The following MYCBP2 variants were observed in gnomAD, a reference collection of about 807,000 sequenced individuals.
MYCBP2 encodes E3 ubiquitin-protein ligase MYCBP2.
In MYCBP2, 120 loss-of-function variants were observed where a neutral mutation model predicts 525.3. The ratio of observed to expected loss-of-function variants is 0.23; its 90% CI spans 0.20 to 0.27. MYCBP2 has a LOEUF of 0.27. MYCBP2 is among the 10% of genes least tolerant of loss of function. The probability of loss-of-function intolerance (pLI) is 1.00; values close to 1 mark genes in which losing one functional copy is unlikely to be tolerated. For synonymous variants in MYCBP2, 1,894 were observed against 1,955.8 expected, an observed-to-expected ratio of 0.97 and a Z score of 0.83; for missense variants, 4,149 against 5,657.1, an observed-to-expected ratio of 0.73 and a Z score of 8.55.
chr13:77,215,167 T>C (rs557054215), intron 21 of MYCBP2, among the ~76,000 whole-genome samples: 7 of 152,312 alleles, frequency 4.6e-5, no homozygotes, highest in Admixed American at 2.6e-4. Flanking sequence ...AAATGTTCTA[T>C]ATATTTTAAA....
intron 57 of MYCBP2, among the ~76,000 whole-genome samples, chr13:77,095,876 T>C (rs2046165293): frequency 1.3e-5 from 2 of 152,116 alleles, no homozygotes; most frequent in Admixed American, 1.3e-4. Context: ...TTTTAAAAAG[T>C]AAATCATTTC....
chr13:77,214,783 T>C (rs1304099594), intron 21 of MYCBP2, among the ~76,000 whole-genome samples: 3 of 152,176 alleles, frequency 2.0e-5, no homozygotes, highest in African/African-American at 7.2e-5. Context: ...TACTGAATAC[T>C]GTAGGCAACT....
chr13:77,286,384 G>T (rs1284409303), intron 3 of MYCBP2, among the ~76,000 whole-genome samples: 3 of 151,942 alleles, frequency 2.0e-5, no homozygotes, highest in African/African-American at 7.3e-5. Context: ...GTCATATAAA[G>T]GCACCATTTA....
chr13:77,098,256 T>C lies in MYCBP2; in HGVS notation c.8898A>G (p.Lys2966=). The part of the protein sequence containing the change: ...EFKSVDEGSN[K]VHFSIGKAPL... ...GTGCTTTTCCAATGCTAAAATGAAC[T>C]TTATTTGAACCTTCATCCACACTCT... The change falls in exon 56 of 83, where the codon AAA becomes AAG. Residue 2966 remains lysine, a synonymous_variant. Coordinates refer to ENST00000544440, the MANE Select transcript of MYCBP2 (RefSeq NM_015057.5). 2.5e-6 allele frequency: 4 copies of C among 1,613,036 alleles called. No homozygotes were observed. Among genetic ancestry groups the C allele is most frequent in the Non-Finnish European group, 3.4e-6 (4 of 1,179,788 alleles).
At chr13:77,121,748 T>C (rs908209701) in intron 54 of MYCBP2, among the ~76,000 whole-genome samples, 1 of 152,204 alleles carries the variant, frequency 6.6e-6, no homozygotes, top group Non-Finnish European at 1.5e-5. Context: ...CAATTTACTT[T>C]TATTGTGGCA....
chr13:77,122,699 A>AAAAAAAAAAAAAC, intron 54 of MYCBP2, among the ~76,000 whole-genome samples: 1 of 151,850 alleles, frequency 6.6e-6, no homozygotes, highest in South Asian at 2.1e-4. Flanking sequence ...CAAAAAAAAA[A>AAAAAAAAAAAAAC]AAAAAAAAAA....
At position 77,326,885 on chromosome 13, in the gene MYCBP2, T is replaced by C. The variant is rs1276953174; in HGVS notation, c.-110A>G. 2 of 1,036,654 alleles carry C rather than the reference T, an allele frequency of 1.9e-6. No homozygotes were observed. The highest frequency in any genetic ancestry group is 2.5e-5 in the South Asian group (1 of 40,008). 64.2% of individuals were successfully genotyped at this position (1,036,654 alleles called of 1,614,324 possible). On this transcript the variant is annotated 5_prime_UTR_variant, in exon 1 of 83. Coordinates refer to ENST00000544440, the MANE Select transcript of MYCBP2 (RefSeq NM_015057.5). The surrounding 1 kb of genome is among the most constrained non-coding windows in gnomAD (Gnocchi z 4.2). ...CGACGACGGCTCCGGCGGCGGCCTCTGGCTCCCGCAGCAGGGAGACTACAA... is the reference window on the plus strand; with the variant it reads ...CGACGACGGCTCCGGCGGCGGCCTCCGGCTCCCGCAGCAGGGAGACTACAA...
chr13:77,136,730 G>A (rs1387450236), intron 52 of MYCBP2, among the ~76,000 whole-genome samples: 2 of 151,982 alleles, frequency 1.3e-5, no homozygotes, highest in East Asian at 1.9e-4. Context: ...TGAACTGATC[G>A]TTTTCCTATC....
Position 77,296,472 on chromosome 13 carries a change from G to T in MYCBP2, c.378+127C>A, listed in dbSNP as rs2078201219. The stretch of plus-strand genomic sequence containing the variant: ...ACTAAAAGAGGAACCAAATCATAAA[G>T]GGCTTTTACAAAATTACTTCAGCAC... On this transcript the variant is annotated intron_variant, in intron 2 of 82. Coordinates refer to ENST00000544440, the MANE Select transcript of MYCBP2 (RefSeq NM_015057.5). 27 of 985,062 alleles carry T rather than the reference G, an allele frequency of 2.7e-5. No homozygotes were observed. In the South Asian group the frequency reaches 5.4e-4, roughly 20 times the overall value. 61.0% of individuals were successfully genotyped at this position (985,062 alleles called of 1,614,324 possible).
intron 1 of MYCBP2, among the ~76,000 whole-genome samples, chr13:77,319,806 G>A (rs763230243): frequency 6.6e-6 from 1 of 152,122 alleles, no homozygotes; most frequent in Non-Finnish European, 1.5e-5. Flanking sequence ...GATTCTCATT[G>A]CCAGCCAGCC....
chr13:77,170,121 TG>T (rs1247447130), intron 38 of MYCBP2, among the ~76,000 whole-genome samples: 2 of 152,240 alleles, frequency 1.3e-5, no homozygotes, highest in African/African-American at 4.8e-5. Context: ...TTACTTACTC[TG>T]TAACTTAGGT....
intron 32 of MYCBP2, among the ~76,000 whole-genome samples, chr13:77,182,967 T>C (rs972624772): frequency 6.6e-6 from 1 of 152,230 alleles, no homozygotes; most frequent in Non-Finnish European, 1.5e-5. Context: ...GTTTTCATCA[T>C]TGAGTAACTG....
At chr13:77,226,307 C>A (rs1307278953) in intron 18 of MYCBP2, among the ~76,000 whole-genome samples, 11 of 152,142 alleles carry the variant, frequency 7.2e-5, no homozygotes, top group Admixed American at 7.2e-4. Context: ...CTTTTGCAAT[C>A]CAACTTTGAA....
rs2046059368 is a variant in MYCBP2 at position 77,095,217 on chromosome 13, C to A, written c.10199+141G>T. 6.8e-6 allele frequency: 7 copies of A among 1,028,816 alleles called. No individual in the cohort carries two copies. In the South Asian group the frequency reaches 1.2e-4, roughly 18 times the overall value. 63.7% of individuals were successfully genotyped at this position (1,028,816 alleles called of 1,614,324 possible). A position where few individuals can be genotyped will look rare whatever the true frequency, so the allele number is the denominator to read the frequency against. On this transcript the variant is annotated intron_variant, in intron 58 of 82. Transcript: ENST00000544440. The stretch of plus-strand genomic sequence containing the variant: ...AGTCATTATGTCAGTCAAGGCAACT[C>A]AAAAAATAAATGCCTGGAAGTTTGT...
chr13:77,313,092 T>C (rs564963545), intron 1 of MYCBP2, among the ~76,000 whole-genome samples: 10 of 152,102 alleles, frequency 6.6e-5, no homozygotes, highest in Middle Eastern at 3.4e-3. Flanking sequence ...CAATAATATA[T>C]TAATATGTAA....
Position 77,327,082 on chromosome 13 carries a change from G to T in MYCBP2, c.-307C>A. ...ACCGCCACCACCGCCGGGGCTACCCGCAATGGGAAGCTGCCGGCCTCACAG... is the reference window on the plus strand; with the variant it reads ...ACCGCCACCACCGCCGGGGCTACCCTCAATGGGAAGCTGCCGGCCTCACAG... On this transcript the variant is annotated 5_prime_UTR_variant, in exon 1 of 83. Coordinates refer to ENST00000544440, the MANE Select transcript of MYCBP2 (RefSeq NM_015057.5). The T allele has an allele frequency of 2.3e-6, 1 of 435,940 alleles. No individual in the cohort carries two copies. Among genetic ancestry groups the T allele is most frequent in the East Asian group, 3.5e-5 (1 of 28,238 alleles). The allele number at this position is 435,940 out of a possible 1,614,324, so 27.0% of individuals were successfully genotyped here.
intron 67 of MYCBP2, 71 bp from the exon 68 acceptor site, chr13:77,076,920 A>G: frequency 8.1e-7 from 1 of 1,241,562 alleles, no homozygotes; most frequent in Non-Finnish European, 1.2e-6. Flanking sequence ...AGGACTCATT[A>G]GCTGATTCCG....
intron 56 of MYCBP2, 144 bp downstream of exon 56, chr13:77,097,226 T>C: frequency 8.7e-7 from 1 of 1,149,400 alleles, no homozygotes; most frequent in Non-Finnish European, 1.2e-6. Flanking sequence ...CAAAACCCTG[T>C]ACTGATAATG....
chr13:77,234,810 T>C (rs1017672743), intron 17 of MYCBP2, among the ~76,000 whole-genome samples: 2 of 147,138 alleles, frequency 1.4e-5, no homozygotes, highest in African/African-American at 5.0e-5. Context: ...TTTCCAACTA[T>C]ATAAAAAAGT....
Sources: allele counts gnomAD v4.1 joint callset (sites outside exome capture counted in the v4.1 genomes callset), GRCh38; gene constraint gnomAD v4.1.1; non-coding constraint Gnocchi (gnomAD v3.1); transcripts MANE v1.5; gene names NCBI Gene and HGNC (gene_info 2026-07-23, HGNC 2026-07-21).